DCLK1: variants seen among roughly 807,000 people sequenced by gnomAD.
The protein encoded by DCLK1 is serine/threonine-protein kinase DCLK1.
In DCLK1, 16 loss-of-function variants were observed where a neutral mutation model predicts 86.2. The ratio of observed to expected loss-of-function variants is 0.19; its 90% confidence interval spans 0.13 to 0.28. DCLK1 has a LOEUF of 0.28. DCLK1 is among the 10% of genes least tolerant of loss of function. The pLI is 1.00. For missense variants in DCLK1, 590 were observed against 940.2 expected, an observed-to-expected ratio of 0.63 and a Z score of 4.87; for synonymous variants, 369 against 370.5, an observed-to-expected ratio of 1.00 and a Z score of 0.05.
At chr13:35,824,170 C>A (rs1046381957) in intron 10 of DCLK1, among the ~76,000 whole-genome samples, 5 of 152,070 alleles carry the variant, frequency 3.3e-5, no homozygotes, top group African/African-American at 1.2e-4. Flanking sequence ...GGGCTCCTGG[C>A]ATCTTGTAAT....
intron 3 of DCLK1, among the ~76,000 whole-genome samples, chr13:36,109,082 A>G (rs925844407): frequency 1.3e-5 from 2 of 152,240 alleles, no homozygotes; most frequent in South Asian, 4.1e-4. Flanking sequence ...CCTGGGGTCC[A>G]TGAGGAAGCA....
chr13:35,887,141 C>T (rs1362636363), intron 4 of DCLK1, among the ~76,000 whole-genome samples: 1 of 152,240 alleles, frequency 6.6e-6, no homozygotes, highest in East Asian at 1.9e-4. Context: ...AGTTGTCAGT[C>T]ACGTAAGTGA....
rs1879089732 is a variant in DCLK1 at position 35,972,052 on chromosome 13, C to T, written c.724-24595G>A. Reference sequence around the variant, plus strand: ...TCCAACTGCTGACTTAAAATTCACACTCATTGATTGGTGACCACAGACTTG... The same window carrying T: ...TCCAACTGCTGACTTAAAATTCACATTCATTGATTGGTGACCACAGACTTG... On this transcript the variant is annotated intron_variant, in intron 3 of 16. Coordinates refer to ENST00000360631, the MANE Select transcript of DCLK1 (RefSeq NM_001330071.2). Among the ~76,000 whole-genome samples the T allele has an allele frequency of 2.6e-5, 4 of 152,188 alleles. No homozygotes were observed. In the South Asian group the frequency reaches 6.2e-4, roughly 24 times the overall value.
chr13:35,780,109 C>T (rs2086499458), intron 16 of DCLK1, among the ~76,000 whole-genome samples: 1 of 152,000 alleles, frequency 6.6e-6, no homozygotes, highest in African/African-American at 2.4e-5. Flanking sequence ...CAGGGGAGTC[C>T]TCAAGAGTCA....
chr13:35,906,358 C>A, intron 4 of DCLK1, among the ~76,000 whole-genome samples: 2 of 150,780 alleles, frequency 1.3e-5, no homozygotes, highest in Admixed American at 6.6e-5. Context: ...TATAGCAAAG[C>A]CTAACAATGT....
At chr13:36,098,086 A>G (rs2138153578) in intron 3 of DCLK1, among the ~76,000 whole-genome samples, 1 of 152,298 alleles carries the variant, frequency 6.6e-6, no homozygotes, top group Non-Finnish European at 1.5e-5. Flanking sequence ...TGCCTGGCAT[A>G]CGGTAAACAT....
At chr13:35,970,922 C>G (rs950608538) in intron 3 of DCLK1, among the ~76,000 whole-genome samples, 1 of 152,088 alleles carries the variant, frequency 6.6e-6, no homozygotes, top group Non-Finnish European at 1.5e-5. Context: ...GGGGCAGTGG[C>G]AGAACAGAGA....
At position 36,125,793 on chromosome 13, in the gene DCLK1, C is replaced by T; in HGVS notation, c.345G>A (p.Lys115=). The part of the protein sequence containing the change: ...VRTIYTIDGL[K]KISSLDQLVE... ...CCAGTTGGTCCAGGCTGGAAATCTT[C>T]TTGAGCCCATCAATGGTGTAGATTG... The change falls in exon 2 of 17, where the codon AAG becomes AAA. Residue 115 remains lysine (K), a synonymous_variant. Transcript: ENST00000360631. 1 of 1,614,154 alleles carries T rather than the reference C, an allele frequency of 6.2e-7. No homozygotes were observed. The highest frequency in any genetic ancestry group is 8.5e-7 in the Non-Finnish European group (1 of 1,179,994).
At chr13:36,078,036 G>A (rs1440391305) in intron 3 of DCLK1, among the ~76,000 whole-genome samples, 3 of 152,148 alleles carry the variant, frequency 2.0e-5, no homozygotes, top group Middle Eastern at 3.2e-3. Flanking sequence ...TACCCAATAC[G>A]ACGGTATTTG....
intron 3 of DCLK1, among the ~76,000 whole-genome samples, chr13:35,964,950 T>C (rs570165100): frequency 6.6e-6 from 1 of 152,300 alleles, no homozygotes; most frequent in Non-Finnish European, 1.5e-5. Flanking sequence ...AGTTGAGTAG[T>C]TGCAACAGAG....
chr13:35,826,833 G>C (rs948227488), intron 10 of DCLK1, among the ~76,000 whole-genome samples: 3 of 152,062 alleles, frequency 2.0e-5, no homozygotes, highest in South Asian at 2.1e-4. Context: ...CCCTGGCGGT[G>C]CTCACAGCTG....
At chr13:35,776,324 C>CT (rs2086424265) in intron 16 of DCLK1, among the ~76,000 whole-genome samples, 1 of 152,158 alleles carries the variant, frequency 6.6e-6, no homozygotes, top group South Asian at 2.1e-4. Flanking sequence ...AAACAGACGT[C>CT]TATTTAGTCT....
intron 3 of DCLK1, among the ~76,000 whole-genome samples, chr13:36,078,273 G>A (rs1884284183): frequency 6.6e-6 from 1 of 152,174 alleles, no homozygotes; most frequent in South Asian, 2.1e-4. Context: ...TATGTTTGCT[G>A]TTTAAGCCAC....
At chr13:36,009,705 C>G (rs1175802010) in intron 3 of DCLK1, among the ~76,000 whole-genome samples, 1 of 103,528 alleles carries the variant, frequency 9.7e-6, no homozygotes, top group Non-Finnish European at 2.0e-5. Flanking sequence ...CTTGGCGATG[C>G]GGGCTCTTTT....
In DCLK1 at chr13:35,869,294, G is replaced by C. The variant is rs187728469; in HGVS notation, c.940+1930C>G. ...GGGTGGTATCTCCCTTGAAGGGAGA[G>C]ACTTTCCCTGACATCCTGGGGAAGG... is the stretch of plus-strand genomic sequence containing the variant. On this transcript the variant is annotated intron_variant, in intron 5 of 16. Coordinates refer to ENST00000360631, the MANE Select transcript of DCLK1 (RefSeq NM_001330071.2). Among the ~76,000 whole-genome samples the C allele has an allele frequency of 2.6e-5, 4 of 152,322 alleles. No homozygotes were observed. The East Asian group carries it at 7.7e-4, about 29-fold the overall frequency.
chr13:35,927,550 C>T lies in DCLK1; in HGVS notation c.823+19808G>A, dbSNP rs754891655. 2.8e-4 allele frequency among the ~76,000 whole-genome samples: 43 copies of T among 152,316 alleles called. No homozygotes were observed. In the East Asian group the frequency reaches 3.9e-3, roughly 14 times the overall value. ...AGCATTATTCTCATTACAGAATTAG[C>T]GTGGATATCCTCCCCCAGATCTTGA... On this transcript the variant is annotated intron_variant, in intron 4 of 16. Coordinates refer to ENST00000360631, the MANE Select transcript of DCLK1 (RefSeq NM_001330071.2).
chr13:35,918,808 T>C (rs1224845101), intron 4 of DCLK1, among the ~76,000 whole-genome samples: 1 of 151,124 alleles, frequency 6.6e-6, no homozygotes, highest in Non-Finnish European at 1.5e-5. Flanking sequence ...AAATGGGGAA[T>C]GTCTATAACA....
Position 36,068,147 on chromosome 13 carries a change from G to T in DCLK1, c.723+43722C>A, listed in dbSNP as rs113812901. On this transcript the variant is annotated intron_variant, in intron 3 of 16. Transcript: ENST00000360631. ...ATATTGTGATTCCTGAAAATTTACG[G>T]TTATCAAAAAACAGAGCCAAATTTG... Among the ~76,000 whole-genome samples the T allele has an allele frequency of 3.3e-5, 5 of 152,186 alleles. 1 individual carries two copies. Among genetic ancestry groups the T allele is most frequent in the African/African-American group, 1.2e-4 (5 of 41,522 alleles).
chr13:35,843,816 T>G (rs995808315), intron 6 of DCLK1, among the ~76,000 whole-genome samples: 1 of 152,228 alleles, frequency 6.6e-6, no homozygotes, highest in African/African-American at 2.4e-5. Flanking sequence ...ATCACTGTCA[T>G]ATGATTTCTG....
Sources: gnomAD v4.1 joint callset for allele counts (sites outside exome capture counted in the v4.1 genomes callset) on GRCh38, gnomAD v4.1.1 for gene constraint, MANE v1.5 for transcripts, NCBI Gene and HGNC (gene_info 2026-07-23, HGNC 2026-07-21) for gene names.